Variants in PLCB4 observed in about 807,000 individuals in gnomAD.
The protein encoded by PLCB4 is 1-phosphatidylinositol 4,5-bisphosphate phosphodiesterase beta-4.
In PLCB4, 77 loss-of-function variants were observed where a neutral mutation model predicts 178.8. The observed-to-expected ratio is 0.43, with a 90% confidence interval of 0.36 to 0.52. PLCB4 has a LOEUF of 0.52. PLCB4 is among the 20% of genes least tolerant of loss of function. The pLI is 0.00. For synonymous variants in PLCB4, 496 were observed against 490.8 expected (o/e 1.01, Z -0.14); for missense variants, 1,024 against 1,453.4 (o/e 0.70, Z 4.80).
intron 35 of PLCB4, among the ~76,000 whole-genome samples, chr20:9,468,300 G>A (rs3761164): frequency 0.11 from 16,141 of 151,170 alleles, 1,107 homozygotes; most frequent in East Asian, 0.29. Flanking sequence ...GAAAAAAAAA[G>A]AAGAGTGAGA....
At chr20:9,077,131 C>T (rs1459094152) in intron 1 of PLCB4, among the ~76,000 whole-genome samples, 1 of 152,142 alleles carries the variant, frequency 6.6e-6, no homozygotes, top group East Asian at 1.9e-4. Flanking sequence ...GAGAGCTTTC[C>T]ATGTCAATAT....
chr20:9,450,821 G>T (rs960936026), intron 32 of PLCB4, among the ~76,000 whole-genome samples: 6 of 151,642 alleles, frequency 4.0e-5, no homozygotes, highest in Admixed American at 1.3e-4. Flanking sequence ...GCTAATTTTT[G>T]TATTTTTAGT....
chr20:9,436,124 A>G (rs562792539), intron 29 of PLCB4, among the ~76,000 whole-genome samples: 24 of 152,332 alleles, frequency 1.6e-4, no homozygotes, highest in African/African-American at 5.5e-4. Context: ...GGCTGTGTAT[A>G]AGTTGTATAT....
intron 1 of PLCB4, among the ~76,000 whole-genome samples, chr20:9,072,112 CTT>C (rs1430105684): frequency 6.6e-6 from 1 of 152,196 alleles, no homozygotes; most frequent in Non-Finnish European, 1.5e-5. Flanking sequence ...GTCAAGGAGA[CTT>C]ATCTGCCTGT....
At chr20:9,407,510 C>G (rs554102435) in intron 21 of PLCB4, among the ~76,000 whole-genome samples, 1 of 152,158 alleles carries the variant, frequency 6.6e-6, no homozygotes, top group South Asian at 2.1e-4. Context: ...GCTGGAATTA[C>G]AGGCTCACGC....
chr20:9,078,864 T>A (rs189557168), intron 1 of PLCB4, among the ~76,000 whole-genome samples: 3 of 152,334 alleles, frequency 2.0e-5, no homozygotes, highest in East Asian at 3.9e-4. Flanking sequence ...CTTGATTAGA[T>A]AAATGACAGC....
intron 2 of PLCB4, among the ~76,000 whole-genome samples, chr20:9,204,992 G>A (rs952252391): frequency 2.0e-5 from 3 of 152,052 alleles, no homozygotes; most frequent in East Asian, 3.9e-4. Flanking sequence ...TGTATACTGA[G>A]TTAAATAAAA....
intron 2 of PLCB4, among the ~76,000 whole-genome samples, chr20:9,134,402 T>C (rs2092340293): frequency 6.6e-6 from 1 of 152,214 alleles, no homozygotes. Flanking sequence ...TATAATTGCA[T>C]TAATTTAATT....
intron 8 of PLCB4, among the ~76,000 whole-genome samples, 179 bp downstream of exon 8, chr20:9,363,154 A>G (rs1399787202): frequency 2.0e-5 from 3 of 152,224 alleles, no homozygotes; most frequent in Non-Finnish European, 4.4e-5. Context: ...AAAGGCATGC[A>G]TGATAAACCC....
rs962580000 is a variant in PLCB4, at chr20:9,069,149, G to A, written c.-192G>A. 6.5e-6 allele frequency: 1 copy of A among 153,006 alleles called. No homozygotes were observed. The highest frequency in any genetic ancestry group is 1.5e-5 in the Non-Finnish European group (1 of 68,400). The allele number at this position is 153,006 out of a possible 1,614,324, so 9.5% of individuals were successfully genotyped here. Reference sequence around the variant, plus strand: ...CGCACACACACGCGCGTACACACTGGGTCTCCAGGCAGCGGCCGTCGCCGC... The same window carrying A: ...CGCACACACACGCGCGTACACACTGAGTCTCCAGGCAGCGGCCGTCGCCGC... On this transcript the variant is annotated 5_prime_UTR_variant, in exon 1 of 40. Coordinates refer to ENST00000378473, the MANE Select transcript of PLCB4 (RefSeq NM_001377142.1).
At chr20:9,403,069 G>A (rs2039160546) in intron 20 of PLCB4, among the ~76,000 whole-genome samples, 1 of 152,142 alleles carries the variant, frequency 6.6e-6, no homozygotes, top group South Asian at 2.1e-4. Flanking sequence ...TGGATGGTTT[G>A]TGACATGTCA....
At chr20:9,398,917 T>C (rs2038815891) in intron 19 of PLCB4, among the ~76,000 whole-genome samples, 1 of 152,226 alleles carries the variant, frequency 6.6e-6, no homozygotes, top group African/African-American at 2.4e-5. Context: ...AGCTACCTGA[T>C]TCAAGTCAAG....
chr20:9,357,944 A>G (rs534948901), intron 7 of PLCB4, among the ~76,000 whole-genome samples: 1 of 152,288 alleles, frequency 6.6e-6, no homozygotes, highest in East Asian at 1.9e-4. Context: ...TCAAATTCTA[A>G]TGTGCACACC....
chr20:9,104,876 T>C (rs1232352531), intron 2 of PLCB4, among the ~76,000 whole-genome samples: 1 of 152,114 alleles, frequency 6.6e-6, no homozygotes, highest in Non-Finnish European at 1.5e-5. Context: ...ACAGTTTAAC[T>C]GTACCATTTT....
At chr20:9,473,763 C>T (rs1023511231) in intron 38 of PLCB4, among the ~76,000 whole-genome samples, 1 of 152,094 alleles carries the variant, frequency 6.6e-6, no homozygotes, top group Admixed American at 6.6e-5. Context: ...TTTTCAAACT[C>T]AATCTGAAAA....
chr20:9,242,609 A>G (rs2094077080), intron 3 of PLCB4, among the ~76,000 whole-genome samples: 1 of 152,230 alleles, frequency 6.6e-6, no homozygotes, highest in Non-Finnish European at 1.5e-5. Context: ...TGTCCAATGG[A>G]CACAGATGAG....
At chr20:9,454,905 C>T (rs944591304) in intron 33 of PLCB4, among the ~76,000 whole-genome samples, 18 of 152,102 alleles carry the variant, frequency 1.2e-4, no homozygotes, top group African/African-American at 3.1e-4. Context: ...TTGTTTTCCC[C>T]GTAGGTTTCA....
intron 24 of PLCB4, among the ~76,000 whole-genome samples, chr20:9,409,832 G>T (rs1465507142): frequency 6.6e-6 from 1 of 151,892 alleles, no homozygotes; most frequent in Non-Finnish European, 1.5e-5. Context: ...TTTGAGGTTT[G>T]CTTAAGAGCC....
intron 2 of PLCB4, among the ~76,000 whole-genome samples, chr20:9,159,336 C>G (rs757173141): frequency 6.6e-6 from 1 of 152,082 alleles, no homozygotes; most frequent in Non-Finnish European, 1.5e-5. Flanking sequence ...ACCATTGGGA[C>G]TAGTGTCCCT....
Sources: allele counts gnomAD v4.1 joint callset (sites outside exome capture counted in the v4.1 genomes callset), GRCh38; gene constraint gnomAD v4.1.1; transcripts MANE v1.5; gene names NCBI Gene and HGNC (gene_info 2026-07-23, HGNC 2026-07-21).